HDAC9: variants seen among roughly 807,000 people sequenced by gnomAD.
The protein encoded by HDAC9 is MEF-2 interacting transcription repressor (MITR) protein.
A neutral mutation model predicts 139.4 loss-of-function variants in HDAC9; 41 were observed. The ratio of observed to expected loss-of-function variants is 0.29; its 90% CI spans 0.23 to 0.38. The LOEUF is 0.38. Ranked by LOEUF, HDAC9 falls within the 10% of genes least tolerant of loss-of-function variation. The pLI is 1.00. For synonymous variants in HDAC9, 517 were observed against 476.2 expected, an observed-to-expected ratio of 1.09 and a Z score of -1.12; for missense variants, 1,147 against 1,297.0, an observed-to-expected ratio of 0.88 and a Z score of 1.78.
intron 1 of HDAC9, 118 bp from the exon 2 acceptor site, chr7:18,496,144 C>T (rs1563050257): frequency 1.4e-6 from 2 of 1,397,888 alleles, no homozygotes; most frequent in African/African-American, 1.4e-5. Context: ...GGAGAACCAG[C>T]GAGGGTAGCT....
At chr7:18,286,137 C>T (rs1797436271), upstream of HDAC9, among the ~76,000 whole-genome samples, 1 of 151,966 alleles carries the variant, frequency 6.6e-6, no homozygotes, top group Admixed American at 6.6e-5. Flanking sequence ...AATGAATAAA[C>T]TTGAACACAT....
intron 1 of HDAC9, among the ~76,000 whole-genome samples, chr7:18,400,857 C>T (rs1401474659): frequency 1.3e-5 from 2 of 152,172 alleles, no homozygotes; most frequent in African/African-American, 4.8e-5. Flanking sequence ...ACCACGTCTG[C>T]ATTTTGTGAA....
chr7:18,621,046 T>C (rs1426500173), intron 6 of HDAC9, among the ~76,000 whole-genome samples: 4 of 152,166 alleles, frequency 2.6e-5, no homozygotes, highest in South Asian at 4.1e-4. Context: ...TGAAATATTG[T>C]GTATTCACAT....
chr7:18,163,046 C>T (rs113418038), intron 2 of HDAC9, among the ~76,000 whole-genome samples: 6 of 152,272 alleles, frequency 3.9e-5, no homozygotes, highest in African/African-American at 1.4e-4. Flanking sequence ...TGGATACTTA[C>T]AGAAGCATTT....
intron 2 of HDAC9, among the ~76,000 whole-genome samples, chr7:18,186,847 G>T (rs1000935849): frequency 6.6e-6 from 1 of 152,196 alleles, no homozygotes; most frequent in African/African-American, 2.4e-5. Flanking sequence ...AATAAAAGCA[G>T]ATTTTTATTT....
At chr7:18,490,443 T>C (rs924219863) in intron 1 of HDAC9, among the ~76,000 whole-genome samples, 5 of 152,040 alleles carry the variant, frequency 3.3e-5, no homozygotes, top group African/African-American at 1.2e-4. Context: ...CGTTGATTTG[T>C]TTTGCTTTCA....
At chr7:18,823,342 G>C (rs1438398040) in intron 17 of HDAC9, among the ~76,000 whole-genome samples, 4 of 152,210 alleles carry the variant, frequency 2.6e-5, no homozygotes, top group African/African-American at 4.8e-5. Context: ...AAGGATGGGA[G>C]AGTTCATTGT....
chr7:18,534,806 G>A (rs572579131), intron 2 of HDAC9, among the ~76,000 whole-genome samples: 2 of 152,116 alleles, frequency 1.3e-5, no homozygotes, highest in Non-Finnish European at 2.9e-5. Context: ...GTTTGTCCAG[G>A]GAATAACTCT....
intron 11 of HDAC9, among the ~76,000 whole-genome samples, chr7:18,654,493 G>T (rs1350839756): frequency 6.6e-6 from 1 of 151,994 alleles, no homozygotes; most frequent in Non-Finnish European, 1.5e-5. Flanking sequence ...CTCTTTTTTA[G>T]TTCAAGAAAA....
chr7:18,251,921 T>C (rs551906871), intron 2 of HDAC9, among the ~76,000 whole-genome samples: 1 of 152,346 alleles, frequency 6.6e-6, no homozygotes. Flanking sequence ...TTAGATGCAC[T>C]GTATATACGT....
rs1028528749 is a variant in HDAC9 at position 18,519,194 on chromosome 7, T to C, written c.22+22870T>C. Among the ~76,000 whole-genome samples, 18 of 152,346 alleles carry C rather than the reference T, an allele frequency of 1.2e-4. 1 individual carries two copies. The highest frequency in any genetic ancestry group is 1.1e-3 in the Admixed American group (17 of 15,302). On this transcript the variant is annotated intron_variant, in intron 2 of 25. Transcript: ENST00000686413. Reference sequence around the variant, plus strand: ...TATTTATATTAATGAGCTTATGTGATGTCATCACAACTCATTCTAGGAAAG... The same window carrying C: ...TATTTATATTAATGAGCTTATGTGACGTCATCACAACTCATTCTAGGAAAG...
chr7:18,905,092 T>C (rs957333778), intron 22 of HDAC9, among the ~76,000 whole-genome samples: 4 of 151,216 alleles, frequency 2.6e-5, no homozygotes, highest in Non-Finnish European at 4.4e-5. Flanking sequence ...AACCTGACCA[T>C]GTTGGCCAGG....
At chr7:18,333,387 G>C (rs555886240) in intron 1 of HDAC9, among the ~76,000 whole-genome samples, 12 of 151,554 alleles carry the variant, frequency 7.9e-5, no homozygotes, top group African/African-American at 2.7e-4. Context: ...AGGGATTTTT[G>C]TTAAGTAGAT....
intron 7 of HDAC9, 102 bp downstream of exon 7, chr7:18,629,583 A>G: frequency 2.6e-6 from 3 of 1,164,126 alleles, no homozygotes; most frequent in Non-Finnish European, 3.5e-6. Context: ...TATTTTGAGA[A>G]GAAATATTTC....
intron 22 of HDAC9, among the ~76,000 whole-genome samples, chr7:18,881,145 C>T (rs1799709018): frequency 6.6e-6 from 1 of 152,074 alleles, no homozygotes; most frequent in Non-Finnish European, 1.5e-5. Flanking sequence ...CTGATAAATA[C>T]ACAAGGCCAT....
intron 2 of HDAC9, among the ~76,000 whole-genome samples, chr7:18,534,815 C>A (rs1205081758): frequency 6.6e-6 from 1 of 152,046 alleles, no homozygotes; most frequent in Admixed American, 6.6e-5. Context: ...GGGAATAACT[C>A]TTTATTCTTC....
At chr7:18,595,828 G>T (rs1249688161) in intron 6 of HDAC9, among the ~76,000 whole-genome samples, 1 of 152,008 alleles carries the variant, frequency 6.6e-6, no homozygotes, top group African/African-American at 2.4e-5. Context: ...AATACTTAAG[G>T]AGAAGTACTA....
chr7:18,355,039 C>T (rs1036897329), intron 1 of HDAC9, among the ~76,000 whole-genome samples: 1 of 152,164 alleles, frequency 6.6e-6, no homozygotes, highest in Admixed American at 6.5e-5. Context: ...GTCATTTTTT[C>T]TACCACCAGT....
rs1192274940 is a variant in HDAC9, at chr7:18,980,762, C to CT, written c.3170+4811dup. 3.1e-4 allele frequency among the ~76,000 whole-genome samples: 27 copies of CT among 87,972 alleles called. 1 individual carries two copies. The highest frequency in any genetic ancestry group is 6.3e-3 in the Middle Eastern group (1 of 158). The allele number at this position is 87,972 out of a possible 152,430, so 57.7% of individuals were successfully genotyped here. The stretch of plus-strand genomic sequence containing the variant: ...TTCTTCTTCCTTCTTCTTCTTCCTT[C>CT]TTCTTCTTCTTCTTCCTCTTCTTCT... On this transcript the variant is annotated intron_variant, in intron 25 of 25. Transcript: ENST00000686413.
Sources: allele counts gnomAD v4.1 joint callset (sites outside exome capture counted in the v4.1 genomes callset), GRCh38; gene constraint gnomAD v4.1.1; transcripts MANE v1.5; gene names NCBI Gene and HGNC (gene_info 2026-07-23, HGNC 2026-07-21).